PRSS36: variants seen among roughly 807,000 people sequenced by gnomAD.
PRSS36 encodes serine protease 36.
Under a neutral mutation model 94.3 loss-of-function variants are expected in PRSS36, and 90 were observed. The observed-to-expected ratio is 0.95, with a 90% CI of 0.80 to 1.14. The LOEUF (loss-of-function observed/expected upper bound fraction) is 1.14. PRSS36 is among the 50% of genes most tolerant of loss of function. PRSS36 has a pLI of 0.00. For missense variants in PRSS36, 1,158 were observed against 1,135.0 expected (o/e 1.02, Z -0.29); for synonymous variants, 500 against 489.6 (o/e 1.02, Z -0.28).
chr16:31,141,006 C>A (rs920564777), intron 12 of PRSS36, among the ~76,000 whole-genome samples: 4 of 152,130 alleles, frequency 2.6e-5, no homozygotes, highest in Non-Finnish European at 5.9e-5. Context: ...CTCACTGCAA[C>A]CTCTGCCCTC....
At chr16:31,149,312 G>A in intron 3 of PRSS36, 77 bp from the exon 4 acceptor site, 1 of 1,503,518 alleles carries the variant, frequency 6.7e-7, no homozygotes, top group Non-Finnish European at 9.0e-7. Flanking sequence ...CAGGACGAAG[G>A]CCCGTCCTCC....
At chr16:31,141,366 T>A (rs2057684262) in intron 12 of PRSS36, 103 bp downstream of exon 12, 1 of 1,416,652 alleles carries the variant, frequency 7.1e-7, no homozygotes, top group Non-Finnish European at 9.4e-7. Flanking sequence ...ATCTCATTGT[T>A]AATTTTTTTT....
At chr16:31,139,937 C>G (rs1247810960) in intron 14 of PRSS36, among the ~76,000 whole-genome samples, 5 of 147,468 alleles carry the variant, frequency 3.4e-5, no homozygotes, top group Non-Finnish European at 5.9e-5. Flanking sequence ...GCTCACACCT[C>G]TAATCCCAGC....
At chr16:31,143,120 C>A in intron 8 of PRSS36, 127 bp from the exon 9 acceptor site, 1 of 1,326,586 alleles carries the variant, frequency 7.5e-7, no homozygotes, top group Non-Finnish European at 9.9e-7. Flanking sequence ...ACCCCCATTC[C>A]AACAGCTCAC....
In PRSS36 at chr16:31,141,470, T is replaced by C; in HGVS notation, c.1900A>G (p.Arg634Gly). The change falls in exon 12 of 15, where the codon AGG (arginine) becomes GGG (glycine). Residue 634 changes from arginine to glycine, a missense_variant and splice_region_variant. Physicochemically the swap from Arg to Gly is moderately radical, Grantham distance 125. Transcript: ENST00000268281. ...GCCTAGGAGACGAGTGAGACCCACC[T>C]GAGGACACAGTGAGTGGCTGCCAGG... is the stretch of plus-strand genomic sequence containing the variant. ...WVLAATHCVL[R>G]PGSTTVPYIE... The C allele has an allele frequency of 6.2e-7, 1 of 1,610,590 alleles. No individual in the cohort carries two copies.
chr16:31,142,746 C>G lies in PRSS36; in HGVS notation c.1348G>C (p.Gly450Arg), dbSNP rs1351810542. The change falls in exon 9 of 15, where the codon GGC becomes CGC. Residue 450 changes from glycine (G) to arginine (R), a missense_variant. Transcript: ENST00000268281. ...CCGGTCCCCAGCTCACCCCCGCGGC[C>G]CCAGCGGGCCAGGCGGCAGCGGCTC... ...PGSRCRLARW[G>R]RGEPALGPGA... 9.5e-6 allele frequency: 13 copies of G among 1,374,664 alleles called. No homozygotes were observed. The South Asian group carries it at 2.3e-4, about 24-fold the overall frequency. The allele number at this position is 1,374,664 out of a possible 1,614,324, so 85.2% of individuals were successfully genotyped here.
Position 31,142,933 on chromosome 16 carries a change from C to G in PRSS36, c.1161G>C (p.Ser387=). ...GCGCCACCCGCTCCGCGCGCGGGCG[C>G]GAGGGCAGCAGCACGCGCCAGGCGT... ...DLDAWRVLLP[S]RPRAERVARL... Residue 387 remains serine (S), a synonymous_variant, in exon 9 of 15, where the codon TCG becomes TCC. Transcript: ENST00000268281. The G allele has an allele frequency of 6.6e-7, 1 of 1,506,330 alleles. No individual in the cohort carries two copies. Among genetic ancestry groups the G allele is most frequent in the Non-Finnish European group, 8.8e-7 (1 of 1,134,066 alleles). The allele number at this position is 1,506,330 out of a possible 1,614,324, so 93.3% of individuals were successfully genotyped here. A position where few individuals can be genotyped will look rare whatever the true frequency, so the allele number is the denominator to read the frequency against.
At chr16:31,140,823 A>G (rs1271091010) in intron 12 of PRSS36, 66 bp from the exon 13 acceptor site, 15 of 1,557,834 alleles carry the variant, frequency 9.6e-6, no homozygotes, top group Non-Finnish European at 1.3e-5. Context: ...TTCCCAGCCC[A>G]GGGGAAGGAT....
intron 2 of PRSS36, 64 bp downstream of exon 2, chr16:31,149,632 C>G: frequency 6.2e-7 from 1 of 1,610,292 alleles, no homozygotes; most frequent in East Asian, 2.2e-5. Context: ...CTGCCAGCAC[C>G]CATGCCAGTC....
intron 6 of PRSS36, 108 bp from the exon 7 acceptor site, chr16:31,143,945 AC>A: frequency 7.1e-7 from 1 of 1,415,110 alleles, no homozygotes; most frequent in South Asian, 1.3e-5. Flanking sequence ...TCTCCTAGAA[AC>A]CCTCCTTGGC....
At position 31,143,743 on chromosome 16, in the gene PRSS36, C is replaced by T. The variant is rs147914949; in HGVS notation, c.815G>A (p.Arg272His). 1.0e-4 allele frequency: 166 copies of T among 1,614,146 alleles called. No homozygotes were observed. Among genetic ancestry groups the T allele is most frequent in the Middle Eastern group, 4.9e-4 (3 of 6,062 alleles). The part of the protein sequence containing the change: ...SFGFGCGRRN[R>H]PGVFTAVATY... ...AGCCACAGCAGTGAAAACTCCAGGG[C>T]GGTTTCTCCGTCCACAGCCAAAGCC... The change falls in exon 7 of 15, where the codon CGC becomes CAC. Residue 272 changes from arginine (R) to histidine (H), a missense_variant. Coordinates refer to ENST00000268281, the MANE Select transcript of PRSS36 (RefSeq NM_173502.5).
Position 31,143,615 on chromosome 16 carries a change from C to A in PRSS36, c.943G>T (p.Glu315Ter). 6.2e-7 allele frequency: 1 copy of A among 1,614,204 alleles called. No individual in the cohort carries two copies. The highest frequency in any genetic ancestry group is 8.5e-7 in the Non-Finnish European group (1 of 1,180,024). Residue 315 changes from glutamate (E) to a stop codon, truncating the protein, a stop_gained, in exon 7 of 15, where the codon GAG becomes TAG. Coordinates refer to ENST00000268281, the MANE Select transcript of PRSS36 (RefSeq NM_173502.5). LOFTEE classifies it high-confidence loss of function. ...KTQSDPQEPR[E>*]ENCTIALPEC... is the part of the protein sequence containing the mutation. The stretch of plus-strand genomic sequence containing the variant: ...GGCAGGGCAATGGTGCAGTTCTCCT[C>A]CCTGGGCTCCTGGGGATCTGACTGG...
rs367658414 is a variant in PRSS36, at chr16:31,143,276, G to A, written c.1100+66C>T. On this transcript the variant is annotated intron_variant, in intron 8 of 14. Coordinates refer to ENST00000268281, the MANE Select transcript of PRSS36 (RefSeq NM_173502.5). The stretch of plus-strand genomic sequence containing the variant: ...CACCCCCTGGGGAGGGGCTGGGGCC[G>A]AATGGATGGTATCTCAGGCTGTAGG... 6 of 1,527,066 alleles carry A rather than the reference G, an allele frequency of 3.9e-6. No individual in the cohort carries two copies. The Admixed American group carries it at 1.1e-4, about 27-fold the overall frequency. 94.6% of individuals were successfully genotyped at this position (1,527,066 alleles called of 1,614,324 possible).
At position 31,143,445 on chromosome 16, in the gene PRSS36, C is replaced by T. The variant is rs1374992572; in HGVS notation, c.997G>A (p.Ala333Thr). 1 of 1,610,790 alleles carries T rather than the reference C, an allele frequency of 6.2e-7. No individual in the cohort carries two copies. Among genetic ancestry groups the T allele is most frequent in the East Asian group, 2.2e-5 (1 of 44,856 alleles). Residue 333 changes from alanine to threonine, a missense_variant, in exon 8 of 15, where the codon GCC (alanine) becomes ACC (threonine). Transcript: ENST00000268281. ...PECGKAPRPG[A>T]WPWEAQVMVP... Reference sequence around the variant, plus strand: ...ATCACCTGGGCCTCCCAGGGCCAGGCCCCTGGCCGCGGGGCCTTCCCGCAC... The same window carrying T: ...ATCACCTGGGCCTCCCAGGGCCAGGTCCCTGGCCGCGGGGCCTTCCCGCAC...
In PRSS36 at chr16:31,142,856, A is replaced by C; in HGVS notation, c.1238T>G (p.Leu413Arg). ...ASWDNASDLA[L>R]LQLRTPVNLS... Reference sequence around the variant, plus strand: ...GTTCACGGGCGTGCGCAGCTGCAGCAGCGCCAGGTCCGAGGCGTTGTCCCA... The same window carrying C: ...GTTCACGGGCGTGCGCAGCTGCAGCCGCGCCAGGTCCGAGGCGTTGTCCCA... The change falls in exon 9 of 15, where the codon CTG becomes CGG. Residue 413 changes from leucine to arginine, a missense_variant. Physicochemically the swap from Leu to Arg is moderately radical, Grantham distance 102. Coordinates refer to ENST00000268281, the MANE Select transcript of PRSS36 (RefSeq NM_173502.5). 1.3e-6 allele frequency: 2 copies of C among 1,557,014 alleles called. No homozygotes were observed. Among genetic ancestry groups the C allele is most frequent in the Admixed American group, 1.9e-5 (1 of 53,088 alleles).
intron 8 of PRSS36, 133 bp from the exon 9 acceptor site, chr16:31,143,126 C>T: frequency 1.9e-5 from 25 of 1,318,916 alleles, no homozygotes; most frequent in Non-Finnish European, 2.5e-5. Context: ...ATTCCAACAG[C>T]TCACTCACAC....
At chr16:31,140,235 G>A in intron 14 of PRSS36, 59 bp downstream of exon 14, 1 of 1,539,956 alleles carries the variant, frequency 6.5e-7, no homozygotes, top group Non-Finnish European at 8.8e-7. Flanking sequence ...TCTCTCTAGG[G>A]TACAGTAGTC....
Position 31,149,838 on chromosome 16 carries a change from A to G in PRSS36, c.38-107T>C, listed in dbSNP as rs570753210. On this transcript the variant is annotated intron_variant, in intron 1 of 14. Coordinates refer to ENST00000268281, the MANE Select transcript of PRSS36 (RefSeq NM_173502.5). ...TAGCCTCCGTCTCCCCAGGGCACCCAGGCCTCCCTCTCCCTCCTCTGATAC... is the reference window on the plus strand; with the variant it reads ...TAGCCTCCGTCTCCCCAGGGCACCCGGGCCTCCCTCTCCCTCCTCTGATAC... The G allele has an allele frequency of 3.2e-5, 50 of 1,560,898 alleles. No individual in the cohort carries two copies. In the East Asian group the frequency reaches 1.1e-3, roughly 34 times the overall value.
Position 31,139,363 on chromosome 16 carries a change from G to C in PRSS36, c.2343C>G (p.Leu781=). ...GGCTCCCTTGAACAGCCATGCCCAC[G>C]AGGATCCAGGACCCTTCCGTCATCT... ...LCQMTEGSWI[L]VGMAVQGSRE... is the part of the protein sequence containing the mutation. Residue 781 remains leucine, a synonymous_variant, in exon 15 of 15, where the codon CTC becomes CTG. Transcript: ENST00000268281. The C allele has an allele frequency of 1.2e-6, 2 of 1,614,146 alleles. No homozygotes were observed. Among genetic ancestry groups the C allele is most frequent in the Non-Finnish European group, 1.7e-6 (2 of 1,180,008 alleles).
Sources: allele counts gnomAD v4.1 joint callset (sites outside exome capture counted in the v4.1 genomes callset), GRCh38; gene constraint gnomAD v4.1.1; transcripts MANE v1.5; gene names NCBI Gene and HGNC (gene_info 2026-07-23, HGNC 2026-07-21).